The following SLC1A2 variants were observed in gnomAD, a reference collection of about 807,000 sequenced individuals.
SLC1A2 encodes the protein excitatory amino acid transporter 2.
In SLC1A2, 15 loss-of-function variants were observed where a neutral mutation model predicts 48.8. The observed-to-expected ratio is 0.31, with a 90% CI of 0.21 to 0.47. The LOEUF (loss-of-function observed/expected upper bound fraction) is 0.47. SLC1A2 is among the 20% of genes least tolerant of loss of function. The pLI, the probability that SLC1A2 is intolerant of heterozygous loss-of-function variation, is 0.99. For missense variants in SLC1A2, 502 were observed against 730.5 expected (o/e 0.69, Z 3.61); for synonymous variants, 279 against 272.6 (o/e 1.02, Z -0.23).
At chr11:35,324,046 C>T (rs1289065475) in intron 1 of SLC1A2, among the ~76,000 whole-genome samples, 1 of 152,224 alleles carries the variant, frequency 6.6e-6, no homozygotes, top group African/African-American at 2.4e-5. Flanking sequence ...CAGTCAATTA[C>T]TGTGGAACTG....
chr11:35,314,312 G>A (rs919985406), intron 3 of SLC1A2, among the ~76,000 whole-genome samples: 17 of 152,098 alleles, frequency 1.1e-4, no homozygotes, highest in African/African-American at 4.1e-4. Context: ...TATTTTTAAT[G>A]CCAATCTCCC....
chr11:35,254,609 G>A lies in SLC1A2; in HGVS notation c.*6285C>T, dbSNP rs1055270650. The A allele has an allele frequency of 1.8e-5, 6 of 324,568 alleles. No homozygotes were observed. Among genetic ancestry groups the A allele is most frequent in the South Asian group, 4.8e-5 (2 of 41,464 alleles). 20.1% of individuals were successfully genotyped at this position (324,568 alleles called of 1,614,324 possible). ...AGTGCCCCAGAAGGAGTGAGGCTCC[G>A]ACTGCAACATCTCCATCTCCAGTGA... On this transcript the variant is annotated 3_prime_UTR_variant, in exon 11 of 11. Coordinates refer to ENST00000278379, the MANE Select transcript of SLC1A2 (RefSeq NM_004171.4).
At chr11:35,339,016 A>T (rs1330651972) in intron 1 of SLC1A2, among the ~76,000 whole-genome samples, 5 of 152,142 alleles carry the variant, frequency 3.3e-5, no homozygotes, top group African/African-American at 1.2e-4. Flanking sequence ...ATTGCTCTCT[A>T]AAGGGCAATT....
chr11:35,271,500 T>C (rs1243452857), intron 9 of SLC1A2, among the ~76,000 whole-genome samples: 3 of 152,202 alleles, frequency 2.0e-5, no homozygotes, highest in African/African-American at 7.2e-5. Context: ...GAAGAGTTTG[T>C]CATTTTGTAA....
chr11:35,334,036 A>G (rs1032131508), intron 1 of SLC1A2, among the ~76,000 whole-genome samples: 1 of 152,082 alleles, frequency 6.6e-6, no homozygotes, highest in African/African-American at 2.4e-5. Flanking sequence ...GAAAGTTACT[A>G]AAGGGTTTTG....
chr11:35,361,437 A>G (rs1231459425), intron 1 of SLC1A2, among the ~76,000 whole-genome samples: 1 of 152,218 alleles, frequency 6.6e-6, no homozygotes, highest in South Asian at 2.1e-4. Flanking sequence ...ATAGTCTTCT[A>G]TATAAAGATC....
intron 1 of SLC1A2, among the ~76,000 whole-genome samples, chr11:35,348,837 G>A: frequency 6.9e-6 from 1 of 145,030 alleles, no homozygotes; most frequent in South Asian, 2.2e-4. Flanking sequence ...AGGCTGCAGT[G>A]AGCCGAGCTC....
intron 1 of SLC1A2, among the ~76,000 whole-genome samples, chr11:35,378,806 G>A (rs551979911): frequency 2.0e-5 from 3 of 152,350 alleles, no homozygotes; most frequent in African/African-American, 4.8e-5. Context: ...TGCAGTTAAA[G>A]TTGGCAATAC....
intron 9 of SLC1A2, among the ~76,000 whole-genome samples, chr11:35,275,401 T>G (rs1406439262): frequency 6.6e-6 from 1 of 152,206 alleles, no homozygotes; most frequent in African/African-American, 2.4e-5. Context: ...GGCTCCCATT[T>G]ACCACTCCAT....
At chr11:35,403,199 T>C (rs1476175125) in intron 1 of SLC1A2, among the ~76,000 whole-genome samples, 7 of 152,356 alleles carry the variant, frequency 4.6e-5, no homozygotes, top group Middle Eastern at 3.4e-3. Context: ...GTGGGTGATA[T>C]TGTCCTTATT....
chr11:35,313,897 C>T (rs1424706395), intron 3 of SLC1A2, among the ~76,000 whole-genome samples: 1 of 152,168 alleles, frequency 6.6e-6, no homozygotes, highest in East Asian at 1.9e-4. Flanking sequence ...CCTGGAGTTA[C>T]CAGAGCCTCA....
chr11:35,351,532 C>A (rs1853252247), intron 1 of SLC1A2, among the ~76,000 whole-genome samples: 1 of 152,154 alleles, frequency 6.6e-6, no homozygotes, highest in Non-Finnish European at 1.5e-5. Context: ...TATTGAATGA[C>A]CCCATCAGAT....
rs372040403 is a variant in SLC1A2, at chr11:35,411,155, G to A, written c.17+7795C>T. ...GGGATTGAGTTCCAGAAAAATCCTG[G>A]GAAAATAGATTCAGTCTATAATTCC... On this transcript the variant is annotated intron_variant, in intron 1 of 10. Coordinates refer to ENST00000278379, the MANE Select transcript of SLC1A2 (RefSeq NM_004171.4). 2.0e-4 allele frequency among the ~76,000 whole-genome samples: 31 copies of A among 152,154 alleles called. No homozygotes were observed. The East Asian group carries it at 4.4e-3, about 22-fold the overall frequency.
chr11:35,294,298 T>C (rs186332264), intron 6 of SLC1A2, among the ~76,000 whole-genome samples: 1 of 152,206 alleles, frequency 6.6e-6, no homozygotes, highest in Non-Finnish European at 1.5e-5. Flanking sequence ...CATATGAGAA[T>C]CTAGCCTGAA....
intron 9 of SLC1A2, among the ~76,000 whole-genome samples, chr11:35,273,310 G>A (rs576809279): frequency 1.3e-5 from 2 of 152,306 alleles, no homozygotes; most frequent in East Asian, 3.9e-4. Context: ...GGTTAGGGAA[G>A]AAAAGGAGAT....
At chr11:35,338,309 T>A (rs1352644772) in intron 1 of SLC1A2, among the ~76,000 whole-genome samples, 1 of 152,182 alleles carries the variant, frequency 6.6e-6, no homozygotes, top group African/African-American at 2.4e-5. Flanking sequence ...ATAACAAATC[T>A]GTTGTTTTTT....
chr11:35,363,412 C>T (rs963548317), intron 1 of SLC1A2, among the ~76,000 whole-genome samples: 16 of 152,118 alleles, frequency 1.1e-4, no homozygotes, highest in South Asian at 2.1e-4. Flanking sequence ...TGCCTCTTCT[C>T]GGTTGCCAAA....
rs11352014 is a variant in SLC1A2 at position 35,382,795 on chromosome 11, C to CA, written c.17+36154dup. ...TGGGCAACAGAGCGAGACTCAGTCT[C>CA]AAAAAAAAAAAAAAGTCCTCCTAAA... On this transcript the variant is annotated intron_variant, in intron 1 of 10. Transcript: ENST00000278379. Among the ~76,000 whole-genome samples the CA allele has an allele frequency of 4.6e-3, 596 of 128,634 alleles. 12 individuals are homozygous for CA. The highest frequency in any genetic ancestry group is 0.026 in the South Asian group (106 of 4,072). 84.4% of individuals were successfully genotyped at this position (128,634 alleles called of 152,430 possible). A position where few individuals can be genotyped will look rare whatever the true frequency, so the allele number is the denominator to read the frequency against.
At chr11:35,344,167 T>C (rs1852945055) in intron 1 of SLC1A2, among the ~76,000 whole-genome samples, 2 of 152,208 alleles carry the variant, frequency 1.3e-5, no homozygotes, top group Admixed American at 6.5e-5. Flanking sequence ...CATTGTTCTA[T>C]ATGCTACAGA....
Sources: gnomAD v4.1 joint callset for allele counts (sites outside exome capture counted in the v4.1 genomes callset) on GRCh38, gnomAD v4.1.1 for gene constraint, MANE v1.5 for transcripts, NCBI Gene and HGNC (gene_info 2026-07-23, HGNC 2026-07-21) for gene names.